Variants in FHL2 observed in about 807,000 individuals in gnomAD.
The protein encoded by FHL2 is four and a half LIM domains 2, also known as four and a half LIM domains protein 2.
A neutral mutation model predicts 32.7 loss-of-function variants in FHL2; 20 were observed. The observed-to-expected ratio is 0.61, with a 90% CI of 0.43 to 0.89. The LOEUF (loss-of-function observed/expected upper bound fraction) is 0.89. Among genes scored for constraint, FHL2 ranks in the 40% least tolerant of loss-of-function variants. FHL2 has a pLI of 0.00. For synonymous variants in FHL2, 123 were observed against 128.1 expected, an observed-to-expected ratio of 0.96 and a Z score of 0.27; for missense variants, 311 against 358.6, an observed-to-expected ratio of 0.87 and a Z score of 1.07.
chr2:105,357,867 G>A (rs1195161156), downstream of FHL2: 1 of 152,132 alleles, frequency 6.6e-6, no homozygotes, highest in African/African-American at 2.4e-5. Context: ...TGTTCAGCCA[G>A]TGTTTGGTCA....
At chr2:105,388,442 T>C (rs1371398459) in intron 2 of FHL2, among the ~76,000 whole-genome samples, 2 of 152,020 alleles carry the variant, frequency 1.3e-5, no homozygotes, top group East Asian at 1.9e-4. Context: ...GAAACGGCCA[T>C]AGGGCATTAA....
In FHL2 at chr2:105,386,377, A is replaced by T; in HGVS notation, c.140T>A (p.Ile47Asn). 2 of 1,614,032 alleles carry T rather than the reference A, an allele frequency of 1.2e-6. No homozygotes were observed. The highest frequency in any genetic ancestry group is 8.5e-7 in the Non-Finnish European group (1 of 1,179,978). Residue 47 changes from isoleucine (I) to asparagine (N), a missense_variant, in exon 3 of 7, where the codon ATC (isoleucine) becomes AAC (asparagine). Physicochemically the swap from Ile to Asn is moderately radical, Grantham distance 149. Transcript: ENST00000530340. Reference protein sequence around the residue: ...ANTCEECGKPIGCDCKDLSYK... With the variant: ...ANTCEECGKPNGCDCKDLSYK... ...AGCAGGTACCTTGCAGTCACAGCCG[A>T]TGGGCTTCCCACACTCCTCGCAGGT...
intron 1 of FHL2, among the ~76,000 whole-genome samples, chr2:105,412,986 T>C (rs576977381): frequency 1.3e-5 from 2 of 152,158 alleles, no homozygotes; most frequent in South Asian, 2.1e-4. Context: ...CGTAGCTCAG[T>C]AAGGAAACTG....
At chr2:105,372,614 C>A (rs1681159510) in intron 4 of FHL2, among the ~76,000 whole-genome samples, 1 of 152,088 alleles carries the variant, frequency 6.6e-6, no homozygotes, top group South Asian at 2.1e-4. Flanking sequence ...CATGATGAAA[C>A]CCCATCTCTA....
At chr2:105,420,053 C>A (rs1325101430) in intron 1 of FHL2, among the ~76,000 whole-genome samples, 1 of 152,178 alleles carries the variant, frequency 6.6e-6, no homozygotes, top group Non-Finnish European at 1.5e-5. Flanking sequence ...ATAAGCCACC[C>A]AATGCCCCAT....
At chr2:105,399,638 G>T, upstream of FHL2, 1 of 1,505,048 alleles carries the variant, frequency 6.6e-7, no homozygotes, top group South Asian at 1.3e-5. Context: ...AGACATCTTG[G>T]ATTCCCCTCC....
upstream of FHL2, chr2:105,399,687 CACATTCCA>C: frequency 6.9e-7 from 1 of 1,447,690 alleles, no homozygotes; most frequent in Non-Finnish European, 9.1e-7. Flanking sequence ...GCGTGCCTCC[CACATTCCA>C]AGCCCGGGCC....
intron 3 of FHL2, among the ~76,000 whole-genome samples, chr2:105,385,159 C>T (rs1269881019): frequency 6.6e-6 from 1 of 152,186 alleles, no homozygotes; most frequent in African/African-American, 2.4e-5. Context: ...CACAGGGCTG[C>T]AGCATTGGTT....
intron 3 of FHL2, among the ~76,000 whole-genome samples, chr2:105,382,760 G>A (rs1299083538): frequency 6.6e-6 from 1 of 152,118 alleles, no homozygotes; most frequent in Admixed American, 6.6e-5. Flanking sequence ...CCAATTTCAT[G>A]GCATTGCTTG....
In FHL2 at chr2:105,427,110, C is replaced by T. The variant is rs561805823; in HGVS notation, c.-25+11289G>A. Among the ~76,000 whole-genome samples, 3 of 152,260 alleles carry T rather than the reference C, an allele frequency of 2.0e-5. No individual in the cohort carries two copies. The East Asian group carries it at 5.8e-4, about 29-fold the overall frequency. On this transcript the variant is annotated intron_variant, in intron 1 of 5. Transcript: ENST00000393352. ...ATCCAGGCGAAAGGAAAAAGAAAAC[C>T]TGCAAAGATGGTTTATAGCAGGGGA...
intron 1 of FHL2, among the ~76,000 whole-genome samples, chr2:105,409,924 G>A (rs930328323): frequency 6.6e-6 from 1 of 152,226 alleles, no homozygotes; most frequent in Non-Finnish European, 1.5e-5. Flanking sequence ...CCACACGAGG[G>A]CCAGTGCCAA....
intron 1 of FHL2, among the ~76,000 whole-genome samples, chr2:105,406,823 G>T (rs955440501): frequency 4.6e-5 from 7 of 152,176 alleles, no homozygotes; most frequent in African/African-American, 1.7e-4. Context: ...TGAGGGGAGA[G>T]CCTTTCATCC....
At chr2:105,367,876 T>C (rs1271013670) in intron 4 of FHL2, 137 bp from the exon 5 acceptor site, 10 of 763,700 alleles carry the variant, frequency 1.3e-5, no homozygotes, top group Non-Finnish European at 1.2e-5. Context: ...GGCTCGCCTC[T>C]ACATGGAGGT....
chr2:105,420,102 A>G (rs1684053928), intron 1 of FHL2, among the ~76,000 whole-genome samples: 1 of 152,188 alleles, frequency 6.6e-6, no homozygotes, highest in Admixed American at 6.5e-5. Context: ...AAAGTACCAC[A>G]CACTGGATGG....
At chr2:105,433,073 T>A (rs1684484611) in intron 1 of FHL2, among the ~76,000 whole-genome samples, 1 of 152,140 alleles carries the variant, frequency 6.6e-6, no homozygotes, top group African/African-American at 2.4e-5. Flanking sequence ...AGGGTTTAAC[T>A]AGGATGGATG....
chr2:105,428,776 T>C lies in FHL2; in HGVS notation c.-25+9623A>G, dbSNP rs576123606. Among the ~76,000 whole-genome samples the C allele has an allele frequency of 1.6e-3, 241 of 152,342 alleles. 1 individual carries two copies. The highest frequency in any genetic ancestry group is 5.1e-3 in the African/African-American group (214 of 41,582). On this transcript the variant is annotated intron_variant, in intron 1 of 5. Transcript: ENST00000393352. ...TGAGCTAGGCCGCCTCAGCTCTTCC[T>C]TACCTGCTCCTCTTACTGTGGGGAT...
chr2:105,372,372 C>A (rs565098558), intron 4 of FHL2, among the ~76,000 whole-genome samples: 71 of 151,600 alleles, frequency 4.7e-4, no homozygotes, highest in African/African-American at 1.7e-3. Flanking sequence ...ACTACAGACG[C>A]CCGCCACTAT....
At position 105,373,866 on chromosome 2, in the gene FHL2, T is replaced by G. The variant is rs982392641; in HGVS notation, c.157-133A>C. ...GCCGAGGCACCCTGGCGCACCCACA[T>G]TCATGCCCCAGGACCACCTAACTGC... On this transcript the variant is annotated intron_variant, in intron 3 of 6. Transcript: ENST00000530340. 67 of 746,630 alleles carry G rather than the reference T, an allele frequency of 9.0e-5. 1 individual carries two copies. The highest frequency in any genetic ancestry group is 7.7e-4 in the South Asian group (45 of 58,482). 46.3% of individuals were successfully genotyped at this position (746,630 alleles called of 1,614,324 possible).
At chr2:105,438,181 G>T (rs1288720969) in intron 1 of FHL2, among the ~76,000 whole-genome samples, 2 of 152,186 alleles carry the variant, frequency 1.3e-5, no homozygotes, top group Non-Finnish European at 2.9e-5. Context: ...CTCTGGGCAG[G>T]GTGGCTTCTG....
Sources: allele counts gnomAD v4.1 joint callset (sites outside exome capture counted in the v4.1 genomes callset), GRCh38; gene constraint gnomAD v4.1.1; transcripts MANE v1.5; gene names NCBI Gene and HGNC (gene_info 2026-07-23, HGNC 2026-07-21).